Variants in TMEM108 observed in about 807,000 individuals in gnomAD.
The protein encoded by TMEM108 is cancer/testis antigen 124.
A neutral mutation model predicts 35.1 loss-of-function variants in TMEM108; 12 were observed. That is an observed-to-expected ratio of 0.34 (90% CI 0.22 to 0.55). The LOEUF is 0.55. TMEM108 is among the 20% of genes least tolerant of loss of function. The pLI is 0.89. For synonymous variants in TMEM108, 287 were observed against 308.6 expected, an observed-to-expected ratio of 0.93 and a Z score of 0.73; for missense variants, 680 against 753.3, an observed-to-expected ratio of 0.90 and a Z score of 1.14.
chr3:133,109,545 A>G (rs893951320), intron 2 of TMEM108, among the ~76,000 whole-genome samples: 4 of 152,230 alleles, frequency 2.6e-5, no homozygotes, highest in African/African-American at 4.8e-5. Flanking sequence ...TCTAAAGAGA[A>G]TAGGGCAAAC....
intron 2 of TMEM108, among the ~76,000 whole-genome samples, chr3:133,059,990 A>G (rs1943517571): frequency 6.6e-6 from 1 of 152,234 alleles, no homozygotes; most frequent in Admixed American, 6.5e-5. Context: ...TTCCCTAAAT[A>G]CGTTAGCATT....
At chr3:133,167,731 CCG>C (rs1255190192) in intron 2 of TMEM108, among the ~76,000 whole-genome samples, 1 of 152,188 alleles carries the variant, frequency 6.6e-6, no homozygotes, top group Non-Finnish European at 1.5e-5. Context: ...TTGCGCTGGC[CCG>C]TGAGCACCGC....
intron 3 of TMEM108, among the ~76,000 whole-genome samples, chr3:133,329,895 C>T (rs2107726451): frequency 6.6e-6 from 1 of 152,286 alleles, no homozygotes; most frequent in East Asian, 1.9e-4. Context: ...TATATTCCCT[C>T]TACCTAGAGA....
chr3:133,097,209 CA>C (rs1288659392), intron 2 of TMEM108, among the ~76,000 whole-genome samples: 1 of 152,150 alleles, frequency 6.6e-6, no homozygotes, highest in Non-Finnish European at 1.5e-5. Flanking sequence ...TTTAAAGAAT[CA>C]ATTTAAACAC....
At chr3:133,167,569 G>A (rs965477761) in intron 2 of TMEM108, among the ~76,000 whole-genome samples, 7 of 152,242 alleles carry the variant, frequency 4.6e-5, no homozygotes, top group Non-Finnish European at 7.3e-5. Flanking sequence ...GCGAGAATTC[G>A]AGCATGGCAC....
chr3:133,374,542 T>TTTTA (rs1553770919), intron 3 of TMEM108, among the ~76,000 whole-genome samples: 37 of 145,814 alleles, frequency 2.5e-4, no homozygotes, highest in African/African-American at 8.6e-4. Flanking sequence ...ATAATTTTTG[T>TTTTA]TATATATATA....
At chr3:133,147,468 G>A (rs1576344893) in intron 2 of TMEM108, among the ~76,000 whole-genome samples, 1 of 152,094 alleles carries the variant, frequency 6.6e-6, no homozygotes, top group South Asian at 2.1e-4. Context: ...GTTTTGATTT[G>A]CATTTCTCTA....
At chr3:133,073,301 T>C (rs983662221) in intron 2 of TMEM108, among the ~76,000 whole-genome samples, 1 of 151,800 alleles carries the variant, frequency 6.6e-6, no homozygotes, top group Non-Finnish European at 1.5e-5. Flanking sequence ...GTCCCTAGTG[T>C]CCACTGTTTT....
chr3:133,342,544 G>GTATATATATATA lies in TMEM108; in HGVS notation c.41-37207_41-37196dup, dbSNP rs1553764021. Among the ~76,000 whole-genome samples the GTATATATATATA allele has an allele frequency of 4.0e-3, 188 of 46,652 alleles. 27 individuals are homozygous for GTATATATATATA. Among genetic ancestry groups the GTATATATATATA allele is most frequent in the African/African-American group, 0.015 (166 of 10,936 alleles). 30.6% of individuals were successfully genotyped at this position (46,652 alleles called of 152,430 possible). The stretch of plus-strand genomic sequence containing the variant: ...TAAAAAAGTTAAAAAAGAAAATGTG[G>GTATATATATATA]TATATATATATACACACACACACAC... On this transcript the variant is annotated intron_variant, in intron 3 of 5. Transcript: ENST00000321871.
intron 2 of TMEM108, among the ~76,000 whole-genome samples, chr3:133,056,092 T>C (rs907314482): frequency 1.6e-5 from 2 of 128,868 alleles, no homozygotes; most frequent in African/African-American, 3.2e-5. Context: ...TTAAGTTCTT[T>C]AGTCTCTTTG....
chr3:133,154,099 G>A (rs915313990), intron 2 of TMEM108, among the ~76,000 whole-genome samples: 1 of 151,904 alleles, frequency 6.6e-6, no homozygotes, highest in East Asian at 1.9e-4. Flanking sequence ...TTTGAGAAGT[G>A]TCTGTTCATA....
At chr3:133,158,009 A>G (rs7620184) in intron 2 of TMEM108, among the ~76,000 whole-genome samples, 9,308 of 152,234 alleles carry the variant, frequency 0.061, 883 homozygotes, top group African/African-American at 0.2. Context: ...CTGCATTGCC[A>G]TATGCCAGGT....
At chr3:133,057,455 A>ATATGTGTG in intron 2 of TMEM108, among the ~76,000 whole-genome samples, 1 of 43,008 alleles carries the variant, frequency 2.3e-5, no homozygotes, top group South Asian at 8.2e-4. Flanking sequence ...ATATATATAT[A>ATATGTGTG]TATATATATA....
chr3:133,171,986 T>G (rs907697681), intron 2 of TMEM108, among the ~76,000 whole-genome samples: 2 of 152,226 alleles, frequency 1.3e-5, no homozygotes, highest in African/African-American at 2.4e-5. Flanking sequence ...AAAGTTCCCA[T>G]GATTTATACA....
chr3:133,361,548 C>T (rs940857503), intron 3 of TMEM108, among the ~76,000 whole-genome samples: 1 of 152,156 alleles, frequency 6.6e-6, no homozygotes, highest in Non-Finnish European at 1.5e-5. Context: ...CTGGAAAATA[C>T]TTAGTGGGGA....
chr3:133,239,831 G>C (rs1946288616), intron 3 of TMEM108, among the ~76,000 whole-genome samples: 1 of 152,176 alleles, frequency 6.6e-6, no homozygotes, highest in Non-Finnish European at 1.5e-5. Context: ...AATAAAACCA[G>C]GATCAGTTAG....
intron 2 of TMEM108, among the ~76,000 whole-genome samples, chr3:133,176,074 A>T (rs886815803): frequency 6.6e-6 from 1 of 152,230 alleles, no homozygotes; most frequent in Non-Finnish European, 1.5e-5. Flanking sequence ...AGAGACAAAG[A>T]AGGTTGTTAC....
intron 3 of TMEM108, among the ~76,000 whole-genome samples, chr3:133,297,571 G>A (rs1947163725): frequency 1.3e-5 from 2 of 152,146 alleles, no homozygotes; most frequent in Admixed American, 1.3e-4. Context: ...AGAATCCTGG[G>A]CCCCACCCCA....
At chr3:133,144,585 A>G (rs1944688965) in intron 2 of TMEM108, among the ~76,000 whole-genome samples, 1 of 152,232 alleles carries the variant, frequency 6.6e-6, no homozygotes. Flanking sequence ...TTACAGTCCT[A>G]CCAACAGTGT....
Sources: gnomAD v4.1 joint callset for allele counts (sites outside exome capture counted in the v4.1 genomes callset) on GRCh38, gnomAD v4.1.1 for gene constraint, MANE v1.5 for transcripts, NCBI Gene and HGNC (gene_info 2026-07-23, HGNC 2026-07-21) for gene names.